MIPOL1: variants seen among roughly 807,000 people sequenced by gnomAD.
MIPOL1 encodes mirror-image polydactyly 1.
MIPOL1 carries 57 observed loss-of-function variants against 60.9 expected under a neutral mutation model. That is an observed-to-expected ratio of 0.94 (90% confidence interval 0.76 to 1.17). The LOEUF (loss-of-function observed/expected upper bound fraction) is 1.17. MIPOL1 is among the 50% of genes most tolerant of loss of function. The pLI is 0.00. For synonymous variants in MIPOL1, 179 were observed against 168.8 expected, an observed-to-expected ratio of 1.06 and a Z score of -0.47; for missense variants, 551 against 511.6, an observed-to-expected ratio of 1.08 and a Z score of -0.74.
At chr14:37,296,093 TA>T (rs2085645785) in intron 7 of MIPOL1, among the ~76,000 whole-genome samples, 1 of 152,116 alleles carries the variant, frequency 6.6e-6, no homozygotes, top group East Asian at 1.9e-4. Context: ...ACAGAAATTA[TA>T]ACAAACTATC....
chr14:37,388,504 C>A (rs78695285), intron 10 of MIPOL1, among the ~76,000 whole-genome samples: 269 of 132,244 alleles, frequency 2.0e-3, no homozygotes, highest in Middle Eastern at 3.8e-3. Context: ...TTTTTTTTTA[C>A]TTTTTTCAAT....
At chr14:37,225,930 T>A (rs1456601246) in intron 1 of MIPOL1, among the ~76,000 whole-genome samples, 7 of 152,092 alleles carry the variant, frequency 4.6e-5, no homozygotes, top group Non-Finnish European at 1.5e-5. Context: ...CCCTAAATCA[T>A]CTCTCTCAAG....
chr14:37,198,563 A>T (rs1180581211), intron 1 of MIPOL1, among the ~76,000 whole-genome samples: 2 of 152,094 alleles, frequency 1.3e-5, no homozygotes, highest in Non-Finnish European at 2.9e-5. Context: ...GCCATGCTGT[A>T]AAAAGATACT....
intron 11 of MIPOL1, among the ~76,000 whole-genome samples, chr14:37,437,651 G>C (rs2153563870): frequency 6.6e-6 from 1 of 152,238 alleles, no homozygotes; most frequent in Admixed American, 6.5e-5. Context: ...AGATGGTGCA[G>C]GTTCTGCCTT....
chr14:37,376,558 A>G (rs1420285166), intron 10 of MIPOL1, among the ~76,000 whole-genome samples: 1 of 152,000 alleles, frequency 6.6e-6, no homozygotes, highest in Non-Finnish European at 1.5e-5. Flanking sequence ...AAATCAGGAT[A>G]TAGTTGCTTA....
intron 10 of MIPOL1, among the ~76,000 whole-genome samples, chr14:37,386,274 GTATT>G (rs994333478): frequency 6.6e-6 from 1 of 151,794 alleles, no homozygotes; most frequent in Non-Finnish European, 1.5e-5. Flanking sequence ...ATTTGTTTCA[GTATT>G]TATTTTCAAA....
chr14:37,455,337 C>A (rs1186970371), intron 11 of MIPOL1, among the ~76,000 whole-genome samples: 1 of 152,100 alleles, frequency 6.6e-6, no homozygotes, highest in East Asian at 1.9e-4. Flanking sequence ...TAAATAATTT[C>A]TCTACACCTG....
In MIPOL1 at chr14:37,528,404, A is replaced by T. The variant is rs562677324; in HGVS notation, c.1263-18501A>T. On this transcript the variant is annotated intron_variant, in intron 12 of 12. Transcript: ENST00000684589. ...AATACTTAAAGCTAGATATTTGCAC[A>T]TATCTGTGCAAATGGAATTCTTGAG... Among the ~76,000 whole-genome samples, 7 of 152,176 alleles carry T rather than the reference A, an allele frequency of 4.6e-5. No individual in the cohort carries two copies. In the South Asian group the frequency reaches 1.5e-3, roughly 32 times the overall value.
At chr14:37,392,542 G>C (rs2093274061) in intron 10 of MIPOL1, among the ~76,000 whole-genome samples, 1 of 152,036 alleles carries the variant, frequency 6.6e-6, no homozygotes, top group Non-Finnish European at 1.5e-5. Context: ...TGCATGGGCT[G>C]TAAGTTATTT....
chr14:37,231,119 AG>A (rs1427453662), intron 1 of MIPOL1, among the ~76,000 whole-genome samples: 1 of 152,064 alleles, frequency 6.6e-6, no homozygotes, highest in Non-Finnish European at 1.5e-5. Context: ...TTTTGAGACA[AG>A]GTCTTGCTGT....
intron 11 of MIPOL1, among the ~76,000 whole-genome samples, chr14:37,427,093 C>A (rs973157123): frequency 6.6e-6 from 1 of 152,066 alleles, no homozygotes; most frequent in Non-Finnish European, 1.5e-5. Context: ...AAAGTAAGGA[C>A]AAGCAGTTAC....
chr14:37,353,885 G>T (rs1186696034), intron 9 of MIPOL1, among the ~76,000 whole-genome samples: 1 of 151,916 alleles, frequency 6.6e-6, no homozygotes, highest in Non-Finnish European at 1.5e-5. Flanking sequence ...TTTTTGAATG[G>T]TTTTTTGTGT....
rs143207825 is a variant in MIPOL1 at position 37,524,804 on chromosome 14, G to A, written c.1263-22101G>A. On this transcript the variant is annotated intron_variant, in intron 12 of 12. Transcript: ENST00000684589. ...AGCCTGGTCTTGAACTCCCGACCTCGTGATCCACCTGCCTCAGCCTCCCAA... is the reference window on the plus strand; with the variant it reads ...AGCCTGGTCTTGAACTCCCGACCTCATGATCCACCTGCCTCAGCCTCCCAA... Among the ~76,000 whole-genome samples, 1,043 of 151,634 alleles carry A rather than the reference G, an allele frequency of 6.9e-3. 12 individuals are homozygous for A. The highest frequency in any genetic ancestry group is 0.024 in the African/African-American group (1,005 of 41,342).
intron 12 of MIPOL1, among the ~76,000 whole-genome samples, chr14:37,528,654 A>G (rs529347524): frequency 1.3e-5 from 2 of 152,310 alleles, no homozygotes; most frequent in East Asian, 3.9e-4. Flanking sequence ...CTAAGTTGCA[A>G]AAGCCATAAA....
At chr14:37,207,041 C>T (rs940108964) in intron 1 of MIPOL1, among the ~76,000 whole-genome samples, 1 of 152,170 alleles carries the variant, frequency 6.6e-6, no homozygotes, top group African/African-American at 2.4e-5. Context: ...GTTGGGAAGA[C>T]ATGATTGGTT....
chr14:37,257,095 T>TGTG (rs138371471), intron 3 of MIPOL1, among the ~76,000 whole-genome samples: 1 of 137,708 alleles, frequency 7.3e-6, no homozygotes, highest in African/African-American at 2.7e-5. Flanking sequence ...TGGTTTTGTT[T>TGTG]TGTGTGTGTG....
At chr14:37,481,399 A>G (rs1461972023) in intron 11 of MIPOL1, among the ~76,000 whole-genome samples, 1 of 152,162 alleles carries the variant, frequency 6.6e-6, no homozygotes, top group East Asian at 1.9e-4. Flanking sequence ...GTGGAAGGAT[A>G]TCTCATGTTC....
chr14:37,307,953 G>A, intron 7 of MIPOL1, 103 bp from the exon 8 acceptor site: 2 of 910,938 alleles, frequency 2.2e-6, no homozygotes, highest in South Asian at 1.5e-5. Context: ...CTAAAGACTA[G>A]TCGAATGAAA....
intron 9 of MIPOL1, among the ~76,000 whole-genome samples, chr14:37,321,511 A>G (rs1264709843): frequency 6.6e-6 from 1 of 151,958 alleles, no homozygotes; most frequent in Non-Finnish European, 1.5e-5. Context: ...GACCCTAAAT[A>G]GGCCCTGTTT....
Sources: gnomAD v4.1 joint callset for allele counts (sites outside exome capture counted in the v4.1 genomes callset) on GRCh38, gnomAD v4.1.1 for gene constraint, MANE v1.5 for transcripts, NCBI Gene and HGNC (gene_info 2026-07-23, HGNC 2026-07-21) for gene names.